The following FHIT variants were observed in gnomAD, a reference collection of about 807,000 sequenced individuals.
FHIT encodes fragile histidine triad diadenosine triphosphatase.
A neutral mutation model predicts 17.9 loss-of-function variants in FHIT; 19 were observed. The ratio of observed to expected loss-of-function variants is 1.06; its 90% CI spans 0.74 to 1.56. The LOEUF (loss-of-function observed/expected upper bound fraction) is 1.56. FHIT is among the 40% of genes most tolerant of loss of function. FHIT has a pLI of 0.00. For synonymous variants in FHIT, 81 were observed against 69.7 expected (o/e 1.16, Z -0.81); for missense variants, 248 against 189.2 (o/e 1.31, Z -1.82).
At chr3:60,909,233 G>T in intron 3 of FHIT, among the ~76,000 whole-genome samples, 1 of 152,048 alleles carries the variant, frequency 6.6e-6, no homozygotes, top group East Asian at 1.9e-4. Flanking sequence ...GCCAGGCATG[G>T]TGGTGTGCAC....
intron 5 of FHIT, among the ~76,000 whole-genome samples, chr3:60,060,512 G>A (rs1311076146): frequency 6.6e-6 from 1 of 152,160 alleles, no homozygotes; most frequent in Non-Finnish European, 1.5e-5. Flanking sequence ...TTATGTGTCA[G>A]AAATATTAAA....
intron 5 of FHIT, among the ~76,000 whole-genome samples, chr3:60,190,606 G>A (rs1293732045): frequency 6.6e-6 from 1 of 151,784 alleles, no homozygotes; most frequent in East Asian, 1.9e-4. Context: ...ACATCACTGG[G>A]GACTGTTGTG....
At chr3:60,566,803 T>G (rs988965061) in intron 4 of FHIT, among the ~76,000 whole-genome samples, 4 of 151,164 alleles carry the variant, frequency 2.6e-5, no homozygotes, top group African/African-American at 4.9e-5. Context: ...CAAGCATTCT[T>G]ATACACCAAC....
intron 5 of FHIT, among the ~76,000 whole-genome samples, chr3:60,260,188 C>T (rs1706219265): frequency 6.6e-6 from 1 of 151,918 alleles, no homozygotes; most frequent in Non-Finnish European, 1.5e-5. Context: ...AACCATCCTT[C>T]CAGTTCTAAG....
intron 1 of FHIT, among the ~76,000 whole-genome samples, chr3:61,207,254 C>T (rs1056057033): frequency 1.3e-5 from 2 of 152,134 alleles, no homozygotes; most frequent in African/African-American, 4.8e-5. Flanking sequence ...CATTGATGTT[C>T]ATCAGGGATA....
At chr3:60,906,143 T>C (rs1706402537) in intron 3 of FHIT, among the ~76,000 whole-genome samples, 1 of 152,178 alleles carries the variant, frequency 6.6e-6, no homozygotes, top group Non-Finnish European at 1.5e-5. Context: ...TGTATATCCT[T>C]AGTGGAATAT....
intron 4 of FHIT, among the ~76,000 whole-genome samples, chr3:60,614,243 G>A (rs2038872504): frequency 6.6e-6 from 1 of 152,164 alleles, no homozygotes; most frequent in Admixed American, 6.5e-5. Context: ...ACCATGTACA[G>A]AAATGAGTAG....
At chr3:60,672,868 T>G in intron 4 of FHIT, among the ~76,000 whole-genome samples, 1 of 136,324 alleles carries the variant, frequency 7.3e-6, no homozygotes, top group Admixed American at 7.7e-5. Flanking sequence ...TTATACCTCT[T>G]TGTAGCGTGT....
At chr3:60,359,065 G>A (rs373343220) in intron 5 of FHIT, among the ~76,000 whole-genome samples, 2 of 152,000 alleles carry the variant, frequency 1.3e-5, no homozygotes, top group East Asian at 3.9e-4. Flanking sequence ...CCAGCACTGA[G>A]AATACAGCAG....
intron 3 of FHIT, chr3:60,912,621 A>C: frequency 2.8e-6 from 1 of 353,664 alleles, no homozygotes; most frequent in Admixed American, 3.5e-5. Context: ...TGCCCTCCCC[A>C]CCTATCAGGA....
At chr3:60,929,281 A>G (rs1360776270) in intron 3 of FHIT, among the ~76,000 whole-genome samples, 9 of 152,076 alleles carry the variant, frequency 5.9e-5, no homozygotes, top group Non-Finnish European at 1.3e-4. Flanking sequence ...AACTGGAAGC[A>G]CTCCCTTTGA....
At chr3:60,965,827 T>C (rs533737734) in intron 3 of FHIT, among the ~76,000 whole-genome samples, 5 of 152,288 alleles carry the variant, frequency 3.3e-5, no homozygotes, top group African/African-American at 1.2e-4. Flanking sequence ...TACCTGGCTG[T>C]GTGAGGTGTC....
intron 7 of FHIT, among the ~76,000 whole-genome samples, chr3:59,955,793 T>C (rs1559496294): frequency 6.6e-6 from 1 of 152,210 alleles, no homozygotes; most frequent in African/African-American, 2.4e-5. Flanking sequence ...GTGATATATA[T>C]GTTAACCGTA....
chr3:60,682,275 G>A (rs541574909), intron 4 of FHIT, among the ~76,000 whole-genome samples: 2 of 152,180 alleles, frequency 1.3e-5, no homozygotes, highest in Non-Finnish European at 2.9e-5. Flanking sequence ...CCGGCCAAAG[G>A]CAGATTTTCA....
At chr3:60,255,313 G>A (rs1318789291) in intron 5 of FHIT, among the ~76,000 whole-genome samples, 1 of 152,052 alleles carries the variant, frequency 6.6e-6, no homozygotes, top group Non-Finnish European at 1.5e-5. Flanking sequence ...GATTTTCCAG[G>A]GTTTAAACAT....
intron 2 of FHIT, among the ~76,000 whole-genome samples, chr3:61,189,712 C>T (rs535672363): frequency 4.6e-5 from 7 of 152,232 alleles, no homozygotes; most frequent in South Asian, 2.1e-4. Flanking sequence ...ACCAAAACAG[C>T]ATGGTACTGG....
chr3:61,099,785 C>T (rs1485608406), intron 2 of FHIT, among the ~76,000 whole-genome samples: 1 of 151,966 alleles, frequency 6.6e-6, no homozygotes, highest in East Asian at 1.9e-4. Context: ...TCTGATTGTG[C>T]TTATTTGAAT....
chr3:60,997,860 G>A (rs1158093807), intron 3 of FHIT, among the ~76,000 whole-genome samples: 1 of 152,140 alleles, frequency 6.6e-6, no homozygotes, highest in Non-Finnish European at 1.5e-5. Flanking sequence ...CTATGGAGGG[G>A]TTTCCAAACC....
At chr3:60,291,367 C>T (rs1419453935) in intron 5 of FHIT, among the ~76,000 whole-genome samples, 2 of 152,062 alleles carry the variant, frequency 1.3e-5, no homozygotes, top group Non-Finnish European at 1.5e-5. Flanking sequence ...AATTTCTGGT[C>T]GCCTCCACCC....
Sources: allele counts gnomAD v4.1 joint callset (sites outside exome capture counted in the v4.1 genomes callset), GRCh38; gene constraint gnomAD v4.1.1; transcripts MANE v1.5; gene names NCBI Gene and HGNC (gene_info 2026-07-23, HGNC 2026-07-21).